The following VAMP4 variants were observed in gnomAD, a reference collection of about 807,000 sequenced individuals.
VAMP4 encodes vesicle-associated membrane protein 4.
VAMP4 carries 19 observed loss-of-function variants against 23.5 expected under a neutral mutation model. The observed-to-expected ratio is 0.81, with a 90% CI of 0.56 to 1.19. VAMP4 has a LOEUF of 1.19. Ranked by LOEUF, VAMP4 falls within the 50% of genes most tolerant of loss-of-function variation. The pLI is 0.00. For missense variants in VAMP4, 145 were observed against 168.6 expected (o/e 0.86, Z 0.78); for synonymous variants, 31 against 51.0 (o/e 0.61, Z 1.67).
intron 6 of VAMP4, among the ~76,000 whole-genome samples, chr1:171,706,891 G>T (rs1288732773): frequency 6.6e-6 from 1 of 152,032 alleles, no homozygotes; most frequent in South Asian, 2.1e-4. Context: ...TTAATCTGAA[G>T]CATTTCTAAA....
intron 2 of VAMP4, among the ~76,000 whole-genome samples, chr1:171,733,803 C>T (rs1655640725): frequency 6.6e-6 from 1 of 152,070 alleles, no homozygotes; most frequent in Non-Finnish European, 1.5e-5. Context: ...AGAGTTACTA[C>T]AATACTCAGC....
intron 6 of VAMP4, among the ~76,000 whole-genome samples, chr1:171,708,839 A>G (rs1358244513): frequency 1.3e-5 from 2 of 150,086 alleles, no homozygotes; most frequent in Non-Finnish European, 3.0e-5. Flanking sequence ...GTGAGCCGAG[A>G]TCAGCCTGGA....
At chr1:171,728,384 C>A in intron 3 of VAMP4, 140 bp downstream of exon 3, 1 of 611,264 alleles carries the variant, frequency 1.6e-6, no homozygotes, top group Non-Finnish European at 2.7e-6. Context: ...TTTCACATAT[C>A]CACTGGGGGA....
In VAMP4 at chr1:171,701,870, T is replaced by TAAC. The variant is rs1654464233; in HGVS notation, c.*2633_*2635dup. On this transcript the variant is annotated 3_prime_UTR_variant, in exon 8 of 8. Coordinates refer to ENST00000236192, the MANE Select transcript of VAMP4 (RefSeq NM_003762.5). ...AGGAGTAACCAATTAATCAGTATTA[T>TAAC]AACAACAAAATTGCTGCAAGGCAAT... 1.3e-5 allele frequency: 2 copies of TAAC among 152,118 alleles called. No homozygotes were observed. The highest frequency in any genetic ancestry group is 6.5e-5 in the Admixed American group (1 of 15,270). The allele number at this position is 152,118 out of a possible 1,614,324, so 9.4% of individuals were successfully genotyped here. A position where few individuals can be genotyped will look rare whatever the true frequency, so the allele number is the denominator to read the frequency against.
chr1:171,726,418 C>A (rs1346702480), intron 3 of VAMP4, among the ~76,000 whole-genome samples: 1 of 152,130 alleles, frequency 6.6e-6, no homozygotes, highest in Non-Finnish European at 1.5e-5. Flanking sequence ...CTACATCAAT[C>A]CCCAGAGAAA....
chr1:171,711,612 C>T (rs1361299197), intron 4 of VAMP4, among the ~76,000 whole-genome samples: 1 of 152,122 alleles, frequency 6.6e-6, no homozygotes, highest in Non-Finnish European at 1.5e-5. Context: ...TCAGGAGTTA[C>T]CTCCAGAGTA....
intron 2 of VAMP4, among the ~76,000 whole-genome samples, chr1:171,737,398 G>A (rs1655778960): frequency 6.6e-6 from 1 of 152,068 alleles, no homozygotes; most frequent in South Asian, 2.1e-4. Flanking sequence ...ATAAAATGTT[G>A]TCTTTTAAAT....
In VAMP4 at chr1:171,709,516, C is replaced by T. The variant is rs1654775463; in HGVS notation, c.345+149G>A. The T allele has an allele frequency of 1.9e-5, 11 of 593,424 alleles. No homozygotes were observed. In the South Asian group the frequency reaches 2.8e-4, roughly 15 times the overall value. The allele number at this position is 593,424 out of a possible 1,614,324, so 36.8% of individuals were successfully genotyped here. A position where few individuals can be genotyped will look rare whatever the true frequency, so the allele number is the denominator to read the frequency against. ...CCTATCCCAAAAGCAATTAAGTTAA[C>T]AAGTATTTACTGAATTTCTACCATG... On this transcript the variant is annotated intron_variant, in intron 6 of 7. Coordinates refer to ENST00000236192, the MANE Select transcript of VAMP4 (RefSeq NM_003762.5).
intron 3 of VAMP4, among the ~76,000 whole-genome samples, chr1:171,726,199 G>A (rs1655364363): frequency 6.6e-6 from 1 of 151,824 alleles, no homozygotes; most frequent in East Asian, 2.0e-4. Flanking sequence ...CTATAGGCAT[G>A]TGCCACCATG....
chr1:171,733,399 C>A (rs1457237384), intron 2 of VAMP4, among the ~76,000 whole-genome samples: 2 of 151,536 alleles, frequency 1.3e-5, no homozygotes, highest in African/African-American at 4.9e-5. Flanking sequence ...CAGGAGGAGG[C>A]TGCAGAACCC....
At chr1:171,738,999 T>C (rs1277176153) in intron 1 of VAMP4, among the ~76,000 whole-genome samples, 1 of 152,250 alleles carries the variant, frequency 6.6e-6, no homozygotes, top group Non-Finnish European at 1.5e-5. Context: ...TGGTAAGTAC[T>C]GGTGTGATAT....
intron 4 of VAMP4, among the ~76,000 whole-genome samples, chr1:171,713,109 C>T (rs1205875492): frequency 6.6e-6 from 1 of 152,136 alleles, no homozygotes; most frequent in Non-Finnish European, 1.5e-5. Flanking sequence ...GTGCATGGGG[C>T]AGAGTGGCCA....
intron 4 of VAMP4, among the ~76,000 whole-genome samples, chr1:171,715,910 A>C (rs1655010816): frequency 6.6e-6 from 1 of 152,160 alleles, no homozygotes; most frequent in Admixed American, 6.5e-5. Context: ...CTGAGGTGGA[A>C]GGATCAATTG....
At position 171,703,862 on chromosome 1, in the gene VAMP4, C is replaced by CTGT. The variant is rs1654559869; in HGVS notation, c.*641_*643dup. ...TGATGCCATACCATGTTTTTTCACA[C>CTGT]TGTTTAAAAATTTCCATTTCCATAA... On this transcript the variant is annotated 3_prime_UTR_variant, in exon 8 of 8. Transcript: ENST00000236192. 1 of 152,286 alleles carries CTGT rather than the reference C, an allele frequency of 6.6e-6. No individual in the cohort carries two copies. The highest frequency in any genetic ancestry group is 2.4e-5 in the African/African-American group (1 of 41,416). The allele number at this position is 152,286 out of a possible 1,614,324, so 9.4% of individuals were successfully genotyped here. A position where few individuals can be genotyped will look rare whatever the true frequency, so the allele number is the denominator to read the frequency against.
chr1:171,704,621 C>A, intron 7 of VAMP4, 87 bp from the exon 8 acceptor site: 1 of 1,066,358 alleles, frequency 9.4e-7, no homozygotes, highest in South Asian at 2.2e-5. Context: ...GTAGTTGTGT[C>A]TACTTTTAGA....
chr1:171,738,231 G>C (rs1277710766), intron 2 of VAMP4, 118 bp downstream of exon 2: 1 of 1,067,358 alleles, frequency 9.4e-7, no homozygotes, highest in Admixed American at 2.4e-5. Context: ...AGCGTCCCAA[G>C]TGCGGCGATT....
At chr1:171,708,950 C>T (rs1264868158) in intron 6 of VAMP4, among the ~76,000 whole-genome samples, 1 of 145,542 alleles carries the variant, frequency 6.9e-6, no homozygotes, top group African/African-American at 2.5e-5. Context: ...ACAGTGAGTT[C>T]ATGTCTAAAT....
intron 6 of VAMP4, among the ~76,000 whole-genome samples, chr1:171,707,931 A>G (rs1654711072): frequency 6.6e-6 from 1 of 152,106 alleles, no homozygotes; most frequent in Non-Finnish European, 1.5e-5. Flanking sequence ...TGAGTTTGGG[A>G]GAGAGAAGGG....
chr1:171,739,659 T>C (rs982289475), intron 1 of VAMP4, among the ~76,000 whole-genome samples: 6 of 152,198 alleles, frequency 3.9e-5, no homozygotes, highest in African/African-American at 1.4e-4. Flanking sequence ...TCTCTAGGTA[T>C]ACAGTATCAG....
Sources: allele counts gnomAD v4.1 joint callset (sites outside exome capture counted in the v4.1 genomes callset), GRCh38; gene constraint gnomAD v4.1.1; transcripts MANE v1.5; gene names NCBI Gene and HGNC (gene_info 2026-07-23, HGNC 2026-07-21).